Variants in DST observed in about 807,000 individuals in gnomAD.
The protein encoded by DST is dystonin, also known as bullous pemphigoid antigen.
A neutral mutation model predicts 875.2 loss-of-function variants in DST; 253 were observed. The ratio of observed to expected loss-of-function variants is 0.29; its 90% CI spans 0.26 to 0.32. DST has a LOEUF of 0.32. Ranked by LOEUF, DST falls within the 10% of genes least tolerant of loss-of-function variation. The probability of loss-of-function intolerance (pLI) is 1.00; values close to 1 mark genes in which losing one functional copy is unlikely to be tolerated. For synonymous variants in DST, 3,124 were observed against 3,197.1 expected (o/e 0.98, Z 0.77); for missense variants, 8,287 against 9,111.6 (o/e 0.91, Z 3.68).
At chr6:56,483,426 C>T (rs973287658) in intron 88 of DST, 1 of 151,442 alleles carries the variant, frequency 6.6e-6, no homozygotes, top group Middle Eastern at 3.5e-3. Flanking sequence ...TCCTATAACA[C>T]TCCTTGGTCT....
At position 56,466,157 on chromosome 6, in the gene DST, C is replaced by G. The variant is rs2094567608; in HGVS notation, c.22608G>C (p.Leu7536=). The part of the protein sequence containing the change: ...DSQQLRLVRI[L]RSTVMVRVGG... ...CAACACGAACCATCACAGTACTCCG[C>G]AGGATCCGGACCAGTCGCAGTTGCT... The change falls in exon 99 of 104, where the codon CTG becomes CTC. Residue 7536 remains leucine (L), a synonymous_variant. Transcript: ENST00000680361. The G allele has an allele frequency of 1.2e-6, 2 of 1,612,542 alleles. No homozygotes were observed. The highest frequency in any genetic ancestry group is 2.2e-5 in the South Asian group (2 of 90,612).
At chr6:56,772,425 G>A (rs969871406) in intron 4 of DST, among the ~76,000 whole-genome samples, 1 of 152,110 alleles carries the variant, frequency 6.6e-6, no homozygotes, top group African/African-American at 2.4e-5. Flanking sequence ...GAGCAGAAAC[G>A]GCACATACTG....
chr6:56,690,581 G>A (rs2099221820), intron 9 of DST, among the ~76,000 whole-genome samples: 1 of 152,166 alleles, frequency 6.6e-6, no homozygotes, highest in African/African-American at 2.4e-5. Context: ...CTACTTAGAA[G>A]TTAACTCAAA....
chr6:56,917,312 AAG>A (rs1278116107), intron 2 of DST, among the ~76,000 whole-genome samples: 1 of 152,228 alleles, frequency 6.6e-6, no homozygotes, highest in African/African-American at 2.4e-5. Flanking sequence ...ATGCTGAGTA[AAG>A]ACAGAGAAAA....
intron 98 of DST, among the ~76,000 whole-genome samples, chr6:56,468,641 T>C (rs1339304224): frequency 6.6e-6 from 1 of 152,154 alleles, no homozygotes; most frequent in Non-Finnish European, 1.5e-5. Context: ...CAGAGATGTG[T>C]GGAGAATCAA....
intron 72 of DST, 148 bp from the exon 73 acceptor site, chr6:56,511,548 T>C (rs1045123748): frequency 9.3e-6 from 6 of 648,136 alleles, no homozygotes; most frequent in Non-Finnish European, 1.6e-5. Context: ...CTCATACAGC[T>C]CTTTGCCAGG....
chr6:56,673,030 G>A (rs1327042462), intron 9 of DST, among the ~76,000 whole-genome samples: 1 of 151,992 alleles, frequency 6.6e-6, no homozygotes, highest in African/African-American at 2.4e-5. Flanking sequence ...CAAAATGAGA[G>A]GATCACTTGA....
In DST at chr6:56,506,472, C is replaced by T; in HGVS notation, c.19435G>A (p.Ala6479Thr). 2.5e-6 allele frequency: 4 copies of T among 1,613,038 alleles called. No individual in the cohort carries two copies. The highest frequency in any genetic ancestry group is 3.4e-6 in the Non-Finnish European group (4 of 1,179,490). The stretch of plus-strand genomic sequence containing the variant: ...AGTCCATCCTGGTACTGAACGGCAG[C>T]CTGCATTGCCTCCTCAAGTTTGTCA... ...RIDKLEEAMQ[A>T]AVQYQDGLQA... is the part of the protein sequence containing the mutation. The change falls in exon 77 of 104, where the codon GCT becomes ACT. Residue 6479 changes from alanine (A) to threonine (T), a missense_variant. Ala to Thr is a moderately conservative substitution (Grantham distance 58). This residue lies in a region of DST where 1,292 missense variants were observed against 1,552.7 expected (regional missense o/e 0.83). Transcript: ENST00000680361.
chr6:56,883,786 G>C (rs1783325848), intron 3 of DST, among the ~76,000 whole-genome samples: 1 of 151,906 alleles, frequency 6.6e-6, no homozygotes, highest in South Asian at 2.1e-4. Flanking sequence ...CCCACCAGAT[G>C]ATTTTAAAGC....
In DST at chr6:56,872,831, C is replaced by A. The variant is rs371870609; in HGVS notation, c.418-21227G>T. ...TCTTCAATACACTGATTCCCCCCCC[C>A]CTTTTTTTTTTTTTCGGATATATAC... On this transcript the variant is annotated intron_variant, in intron 3 of 103. Transcript: ENST00000680361. 1.3e-4 allele frequency among the ~76,000 whole-genome samples: 16 copies of A among 125,650 alleles called. 1 individual carries two copies. The highest frequency in any genetic ancestry group is 8.5e-4 in the East Asian group (4 of 4,732). The allele number at this position is 125,650 out of a possible 152,430, so 82.4% of individuals were successfully genotyped here.
Position 56,611,328 on chromosome 6 carries a change from TA to T in DST, c.5147+179del, listed in dbSNP as rs34186947. ...TAATAAGAATATTTCAAAGTTGTAATAAAGACTAAAATTGACAATTAAATTA... is the reference window on the plus strand; with the variant it reads ...TAATAAGAATATTTCAAAGTTGTAATAAGACTAAAATTGACAATTAAATTA... On this transcript the variant is annotated intron_variant, in intron 38 of 103. Transcript: ENST00000680361. Among the ~76,000 whole-genome samples the T allele has an allele frequency of 0.03, 4,561 of 152,248 alleles. 161 individuals are homozygous for T. The highest frequency in any genetic ancestry group is 0.19 in the East Asian group (989 of 5,178).
At chr6:56,501,384 A>C (rs759364220) in intron 79 of DST, 136 bp downstream of exon 79, 16 of 1,115,304 alleles carry the variant, frequency 1.4e-5, no homozygotes, top group African/African-American at 4.8e-5. Flanking sequence ...TCTATGTTTT[A>C]AGTTTGACGC....
rs751175454 is a variant in DST at position 56,639,635 on chromosome 6, A to G, written c.2698-24T>C. On this transcript the variant is annotated intron_variant, in intron 20 of 103. Transcript: ENST00000680361. ...TTCTTTAGTAAGGAAAATCATCATA[A>G]GAATCATGTTTTTGCCAAATATAGA... The G allele has an allele frequency of 5.0e-6, 8 of 1,613,720 alleles. No homozygotes were observed. In the Admixed American group the frequency reaches 1.3e-4, roughly 27 times the overall value.
chr6:56,781,248 A>C (rs1342111447), intron 4 of DST, among the ~76,000 whole-genome samples: 1 of 152,084 alleles, frequency 6.6e-6, no homozygotes, highest in Non-Finnish European at 1.5e-5. Context: ...GTTTTTTCCA[A>C]TTCTGTGAAG....
At chr6:56,901,423 C>T (rs1794011171) in intron 2 of DST, among the ~76,000 whole-genome samples, 1 of 152,160 alleles carries the variant, frequency 6.6e-6, no homozygotes, top group Non-Finnish European at 1.5e-5. Context: ...TGGCGAAACC[C>T]TGTCTCTACT....
chr6:56,827,286 C>G (rs538237150), intron 4 of DST, among the ~76,000 whole-genome samples: 1 of 152,068 alleles, frequency 6.6e-6, no homozygotes, highest in East Asian at 1.9e-4. Flanking sequence ...GAGGCCGAGG[C>G]GGGTGGATCA....
chr6:56,480,153 A>G (rs765399612), intron 90 of DST, among the ~76,000 whole-genome samples: 6 of 152,342 alleles, frequency 3.9e-5, no homozygotes, highest in Non-Finnish European at 7.3e-5. Context: ...TTTATTTACA[A>G]GTTTACTATA....
At chr6:56,504,268 C>CA (rs1583347619) in intron 77 of DST, among the ~76,000 whole-genome samples, 170 bp from the exon 78 acceptor site, 2 of 151,854 alleles carry the variant, frequency 1.3e-5, no homozygotes, top group Admixed American at 1.3e-4. Context: ...AGTAATATAC[C>CA]AAAATGGTTG....
chr6:56,466,426 T>C (rs1173375913), intron 98 of DST: 1 of 345,902 alleles, frequency 2.9e-6, no homozygotes, highest in Non-Finnish European at 5.2e-6. Flanking sequence ...GGTTATCAAG[T>C]ATACTACCAA....
Sources: allele counts gnomAD v4.1 joint callset (sites outside exome capture counted in the v4.1 genomes callset), GRCh38; gene constraint gnomAD v4.1.1; regional missense constraint gnomAD v4.1.1; transcripts MANE v1.5; gene names NCBI Gene and HGNC (gene_info 2026-07-23, HGNC 2026-07-21).